The following KMT2C variants were observed in gnomAD, a reference collection of about 807,000 sequenced individuals.
KMT2C encodes histone-lysine N-methyltransferase 2C.
A neutral mutation model predicts 507.9 loss-of-function variants in KMT2C; 88 were observed. That is an observed-to-expected ratio of 0.17 (90% CI 0.15 to 0.21). The LOEUF (loss-of-function observed/expected upper bound fraction) is 0.21. Ranked by LOEUF, KMT2C falls within the 10% of genes least tolerant of loss-of-function variation. The pLI, the probability that KMT2C is intolerant of heterozygous loss-of-function variation, is 1.00. For missense variants in KMT2C, 4,954 were observed against 5,957.8 expected (o/e 0.83, Z 5.55); for synonymous variants, 2,049 against 2,080.8 (o/e 0.98, Z 0.42).
At chr7:152,430,579 G>T (rs2097855710) in intron 1 of KMT2C, among the ~76,000 whole-genome samples, 1 of 152,220 alleles carries the variant, frequency 6.6e-6, no homozygotes, top group African/African-American at 2.4e-5. Flanking sequence ...CACCTGACTA[G>T]AGTGTAGTGG....
At chr7:152,277,051 T>C (rs1436945314) in intron 6 of KMT2C, among the ~76,000 whole-genome samples, 1 of 152,188 alleles carries the variant, frequency 6.6e-6, no homozygotes, top group Non-Finnish European at 1.5e-5. Context: ...TGTCAAAATG[T>C]ATCCATAAAA....
chr7:152,146,382 A>G (rs2091099720), intron 53 of KMT2C, among the ~76,000 whole-genome samples: 2 of 152,234 alleles, frequency 1.3e-5, no homozygotes, highest in Admixed American at 6.5e-5. Flanking sequence ...AGCCTGGAAG[A>G]GAACCTGAAG....
chr7:152,296,997 A>AAAAGAAAGAAAGAAGG lies in KMT2C; in HGVS notation c.849+12968_849+12969insCCTTCTTTCTTTCTTT, dbSNP rs2096506134. On this transcript the variant is annotated intron_variant, in intron 6 of 58. Coordinates refer to ENST00000262189, the MANE Select transcript of KMT2C (RefSeq NM_170606.3). ...ACCACTAAAAAGAAAGAAAGAAAGA[A>AAAAGAAAGAAAGAAGG]AAAGAAAGAAAGAAAGAAAGAAAGA... Among the ~76,000 whole-genome samples, 5 of 59,008 alleles carry AAAAGAAAGAAAGAAGG rather than the reference A, an allele frequency of 8.5e-5. No homozygotes were observed. The South Asian group carries it at 2.1e-3, about 24-fold the overall frequency. The allele number at this position is 59,008 out of a possible 152,430, so 38.7% of individuals were successfully genotyped here.
rs201126727 is a variant in KMT2C at position 152,192,542 on chromosome 7, G to GA, written c.4660+1466dup. ...GGCGAAGGTGTGAGACTCTGTCTCA[G>GA]AAAAAAAAGAAAAAAAAAAAGCACA... On this transcript the variant is annotated intron_variant, in intron 31 of 58. Coordinates refer to ENST00000262189, the MANE Select transcript of KMT2C (RefSeq NM_170606.3). Among the ~76,000 whole-genome samples, 838 of 138,562 alleles carry GA rather than the reference G, an allele frequency of 6.0e-3. 2 individuals are homozygous for GA. Among genetic ancestry groups the GA allele is most frequent in the African/African-American group, 0.017 (651 of 37,244 alleles). 90.9% of individuals were successfully genotyped at this position (138,562 alleles called of 152,430 possible).
intron 13 of KMT2C, among the ~76,000 whole-genome samples, chr7:152,248,909 G>C (rs1588575019): frequency 6.6e-6 from 1 of 152,240 alleles, no homozygotes; most frequent in Middle Eastern, 3.4e-3. Flanking sequence ...TTAAGAAAAT[G>C]AGGATCAATC....
At chr7:152,314,576 G>C (rs1211135460) in intron 4 of KMT2C, among the ~76,000 whole-genome samples, 2 of 150,866 alleles carry the variant, frequency 1.3e-5, no homozygotes, top group Non-Finnish European at 3.0e-5. Context: ...GGGAGGGAAG[G>C]CAGGGGAGGG....
intron 18 of KMT2C, among the ~76,000 whole-genome samples, chr7:152,227,589 C>T (rs1281955327): frequency 5.9e-5 from 9 of 152,202 alleles, no homozygotes; most frequent in Non-Finnish European, 1.2e-4. Context: ...TTCCAGAATG[C>T]TGCCCAGGGA....
rs138942112 is a variant in KMT2C at position 152,176,573 on chromosome 7, C to T, written c.8880G>A (p.Pro2960=). 2.6e-4 allele frequency: 425 copies of T among 1,614,090 alleles called. 2 individuals carry two copies. The African/African-American group carries it at 4.9e-3, about 19-fold the overall frequency. Residue 2960 remains proline, a synonymous_variant, in exon 38 of 59, where the codon CCG becomes CCA. Transcript: ENST00000262189. ...HVSSLPPFIA[P]PGRVLDNAMN... ...TGGCATTATCCAAAACACGGCCAGG[C>T]GGTGCTATGAAAGGAGGCAAACTTG...
intron 2 of KMT2C, among the ~76,000 whole-genome samples, chr7:152,346,137 AC>A (rs2097055900): frequency 1.3e-5 from 2 of 152,230 alleles, no homozygotes; most frequent in South Asian, 4.1e-4. Context: ...AGATGAACCC[AC>A]TATTATCGTT....
At chr7:152,329,822 C>G (rs2096863879) in intron 3 of KMT2C, among the ~76,000 whole-genome samples, 1 of 151,956 alleles carries the variant, frequency 6.6e-6, no homozygotes, top group Non-Finnish European at 1.5e-5. Context: ...GGTCTAAAAA[C>G]TCTTAAAACT....
intron 1 of KMT2C, among the ~76,000 whole-genome samples, chr7:152,432,889 G>T (rs1328465221): frequency 6.6e-6 from 1 of 152,228 alleles, no homozygotes; most frequent in East Asian, 1.9e-4. Flanking sequence ...GCTCACGCCT[G>T]TAATCCTGGC....
At chr7:152,431,616 A>G (rs1487431072) in intron 1 of KMT2C, among the ~76,000 whole-genome samples, 1 of 152,024 alleles carries the variant, frequency 6.6e-6, no homozygotes, top group East Asian at 1.9e-4. Context: ...AAAAAAAAAA[A>G]AAGAAAAAAA....
At chr7:152,326,414 A>G (rs1414440564) in intron 3 of KMT2C, among the ~76,000 whole-genome samples, 1 of 152,128 alleles carries the variant, frequency 6.6e-6, no homozygotes, top group Non-Finnish European at 1.5e-5. Context: ...TCCTAGTCAC[A>G]TATTATTTTA....
intron 37 of KMT2C, among the ~76,000 whole-genome samples, chr7:152,178,822 A>G (rs2093324039): frequency 6.6e-6 from 1 of 152,216 alleles, no homozygotes; most frequent in Non-Finnish European, 1.5e-5. Flanking sequence ...AGCATATCTT[A>G]AAGAACTATT....
intron 52 of KMT2C, 137 bp downstream of exon 52, chr7:152,147,896 T>C: frequency 1.1e-6 from 1 of 902,800 alleles, no homozygotes; most frequent in Non-Finnish European, 1.6e-6. Context: ...ACACAAACAT[T>C]GGCATTTGTA....
At chr7:152,409,662 C>T (rs542520865) in intron 1 of KMT2C, among the ~76,000 whole-genome samples, 96 of 151,970 alleles carry the variant, frequency 6.3e-4, no homozygotes, top group African/African-American at 1.4e-3. Context: ...ACCCAGGAGG[C>T]GGAGCTTGCA....
chr7:152,215,513 CAAAAAAAAAAAAAA>C (rs35751147), intron 23 of KMT2C, among the ~76,000 whole-genome samples: 8 of 25,970 alleles, frequency 3.1e-4, no homozygotes, highest in Admixed American at 5.5e-4. Flanking sequence ...GACTCTGTCT[CAAAAAAAAAAAAAA>C]AAAAAAAAAA....
intron 26 of KMT2C, among the ~76,000 whole-genome samples, chr7:152,201,287 G>C (rs1588151724): frequency 8.1e-6 from 1 of 123,128 alleles, no homozygotes; most frequent in Non-Finnish European, 1.7e-5. Flanking sequence ...CACACATACA[G>C]ACACAGACAC....
At chr7:152,228,246 T>A (rs745345672) in intron 18 of KMT2C, among the ~76,000 whole-genome samples, 1 of 151,982 alleles carries the variant, frequency 6.6e-6, no homozygotes, top group Non-Finnish European at 1.5e-5. Flanking sequence ...AACTATGGAG[T>A]CCCCAGTAAT....
Sources: allele counts gnomAD v4.1 joint callset (sites outside exome capture counted in the v4.1 genomes callset), GRCh38; gene constraint gnomAD v4.1.1; transcripts MANE v1.5; gene names NCBI Gene and HGNC (gene_info 2026-07-23, HGNC 2026-07-21).